Variants in ZNF236 observed in about 807,000 individuals in gnomAD.
ZNF236 encodes regulated by glucose.
ZNF236 carries 50 observed loss-of-function variants against 191.2 expected under a neutral mutation model. The ratio of observed to expected loss-of-function variants is 0.26; its 90% confidence interval spans 0.21 to 0.33. The LOEUF is 0.33. ZNF236 is among the 10% of genes least tolerant of loss of function. ZNF236 has a pLI of 1.00. For missense variants in ZNF236, 1,754 were observed against 2,374.5 expected (o/e 0.74, Z 5.43); for synonymous variants, 907 against 928.8 (o/e 0.98, Z 0.43).
At chr18:76,853,790 C>A (rs1975953587) in intron 3 of ZNF236, among the ~76,000 whole-genome samples, 1 of 151,956 alleles carries the variant, frequency 6.6e-6, no homozygotes. Flanking sequence ...GCGGGCAGAT[C>A]ACTTGAGGTC....
rs1167617019 is a variant in ZNF236, at chr18:76,972,783, T to C, written c.*4444T>C. On this transcript the variant is annotated 3_prime_UTR_variant, in exon 31 of 31. Coordinates refer to ENST00000320610, the MANE Select transcript of ZNF236 (RefSeq NM_001306089.2). ...TTATCTTCACAATTGTTTCATGATCTATTTATACATTGGATGATATTTATT... is the reference window on the plus strand; with the variant it reads ...TTATCTTCACAATTGTTTCATGATCCATTTATACATTGGATGATATTTATT... Among the ~76,000 whole-genome samples the C allele has an allele frequency of 6.6e-6, 1 of 152,250 alleles. No homozygotes were observed. The highest frequency in any genetic ancestry group is 1.9e-4 in the East Asian group (1 of 5,202).
At chr18:76,833,602 A>G (rs2122408625) in intron 1 of ZNF236, among the ~76,000 whole-genome samples, 1 of 152,092 alleles carries the variant, frequency 6.6e-6, no homozygotes, top group African/African-American at 2.4e-5. Context: ...TACATACTTT[A>G]TGCTTTTTAT....
intron 1 of ZNF236, among the ~76,000 whole-genome samples, chr18:76,823,156 G>T (rs1244998674): frequency 6.6e-6 from 1 of 151,868 alleles, no homozygotes; most frequent in Non-Finnish European, 1.5e-5. Context: ...CGGCTGCCCC[G>T]GGGACGTTGG....
At position 76,969,644 on chromosome 18, in the gene ZNF236, CT is replaced by C. The variant is rs1163786602; in HGVS notation, c.*1308del. On this transcript the variant is annotated 3_prime_UTR_variant, in exon 31 of 31. Transcript: ENST00000320610. ...TTTTTTTTTCCTGAAAAATAATTGC[CT>C]TTATTTTCTCTCGTTGCCTCCTTGG... The C allele has an allele frequency of 6.6e-6, 1 of 152,238 alleles. No individual in the cohort carries two copies. The highest frequency in any genetic ancestry group is 1.5e-5 in the Non-Finnish European group (1 of 67,988). 9.4% of individuals were successfully genotyped at this position (152,238 alleles called of 1,614,324 possible). A position where few individuals can be genotyped will look rare whatever the true frequency, so the allele number is the denominator to read the frequency against.
At chr18:76,831,255 T>C (rs2122395075) in intron 1 of ZNF236, among the ~76,000 whole-genome samples, 1 of 152,330 alleles carries the variant, frequency 6.6e-6, no homozygotes, top group East Asian at 1.9e-4. Context: ...ATATTTTTAT[T>C]GTCCTTATAG....
intron 3 of ZNF236, among the ~76,000 whole-genome samples, chr18:76,852,738 C>CT (rs1290670432): frequency 3.9e-5 from 6 of 152,134 alleles, no homozygotes; most frequent in Non-Finnish European, 8.8e-5. Context: ...AAAGTCATCT[C>CT]TAATTCTGAG....
chr18:76,832,625 T>G (rs1022592147), intron 1 of ZNF236, among the ~76,000 whole-genome samples: 1 of 152,106 alleles, frequency 6.6e-6, no homozygotes, highest in Admixed American at 6.6e-5. Context: ...GTCTTAATTA[T>G]GCTATTCTGA....
intron 26 of ZNF236, among the ~76,000 whole-genome samples, chr18:76,938,016 A>T (rs974009953): frequency 1.3e-5 from 2 of 152,220 alleles, no homozygotes; most frequent in Non-Finnish European, 2.9e-5. Context: ...ACTGTAAAAA[A>T]GTCTATTCTT....
chr18:76,881,988 C>A (rs936830332), intron 9 of ZNF236, among the ~76,000 whole-genome samples: 2 of 152,186 alleles, frequency 1.3e-5, no homozygotes. Context: ...CACACCTCAC[C>A]ATTTCCCATT....
intron 26 of ZNF236, 105 bp downstream of exon 26, chr18:76,937,448 C>T (rs1335709896): frequency 3.6e-6 from 4 of 1,124,528 alleles, no homozygotes; most frequent in Non-Finnish European, 4.7e-6. Flanking sequence ...CATTTTTTTT[C>T]CCCAAAATCG....
intron 1 of ZNF236, among the ~76,000 whole-genome samples, chr18:76,831,923 TCTC>T (rs1486332885): frequency 2.6e-5 from 4 of 152,314 alleles, no homozygotes; most frequent in Non-Finnish European, 5.9e-5. Flanking sequence ...TTTTTTATAG[TCTC>T]CTATTCACTC....
chr18:76,935,936 C>A, intron 25 of ZNF236: 1 of 455,764 alleles, frequency 2.2e-6, no homozygotes, highest in African/African-American at 2.0e-5. Flanking sequence ...GCTGCTTCAG[C>A]GCTCGAGCCT....
intron 18 of ZNF236, among the ~76,000 whole-genome samples, chr18:76,914,877 G>C (rs1041729384): frequency 1.3e-5 from 2 of 150,942 alleles, no homozygotes; most frequent in Admixed American, 6.6e-5. Context: ...TGTATATTTT[G>C]TATAAGGCTT....
At chr18:76,937,439 ATT>A in intron 26 of ZNF236, 96 bp downstream of exon 26, 1 of 1,189,176 alleles carries the variant, frequency 8.4e-7, no homozygotes, top group Non-Finnish European at 1.1e-6. Context: ...TAGTCTGAGC[ATT>A]TTTTTTCCCC....
chr18:76,954,875 T>A (rs1487553712), intron 27 of ZNF236, among the ~76,000 whole-genome samples: 2 of 152,270 alleles, frequency 1.3e-5, no homozygotes, highest in Non-Finnish European at 2.9e-5. Context: ...GTTCCTTTTT[T>A]TCCCCATTCC....
Position 76,908,330 on chromosome 18 carries a change from G to T in ZNF236, c.2308G>T (p.Ala770Ser). ...KHMKTHRYEL[A>S]QQLQQHQQAA... ...TTAATTTTTCTGAAGATATGAGCTT[G>T]CCCAGCAGCTCCAACAGCATCAGCA... The change falls in exon 14 of 31, where the codon GCC becomes TCC. Residue 770 changes from alanine to serine, a missense_variant. Coordinates refer to ENST00000320610, the MANE Select transcript of ZNF236 (RefSeq NM_001306089.2). 1 of 1,613,266 alleles carries T rather than the reference G, an allele frequency of 6.2e-7. No homozygotes were observed. Among genetic ancestry groups the T allele is most frequent in the Non-Finnish European group, 8.5e-7 (1 of 1,179,392 alleles).
intron 1 of ZNF236, among the ~76,000 whole-genome samples, chr18:76,845,613 G>A (rs1017049714): frequency 6.6e-6 from 1 of 152,124 alleles, no homozygotes; most frequent in Non-Finnish European, 1.5e-5. Flanking sequence ...CACTTTGGGA[G>A]GCAGAGATGG....
At chr18:76,930,327 T>G (rs1386232988) in intron 25 of ZNF236, among the ~76,000 whole-genome samples, 2 of 152,240 alleles carry the variant, frequency 1.3e-5, no homozygotes, top group Non-Finnish European at 2.9e-5. Flanking sequence ...TTGAATCTTT[T>G]TCTCTCTGAT....
At position 76,910,143 on chromosome 18, in the gene ZNF236, C is replaced by G. The variant is rs778191974; in HGVS notation, c.2627C>G (p.Ser876Cys). ...QFEEQSPAQQSFEPAGLPQGF... is the reference protein window; with the variant it reads ...QFEEQSPAQQCFEPAGLPQGF... ...GAAGAGCAGAGCCCTGCGCAACAGT[C>G]CTTCGAACCAGCAGGGCTACCCCAA... is the stretch of plus-strand genomic sequence containing the variant. The change falls in exon 15 of 31, where the codon TCC (serine) becomes TGC (cysteine). Residue 876 changes from serine (S) to cysteine (C), a missense_variant. Coordinates refer to ENST00000320610, the MANE Select transcript of ZNF236 (RefSeq NM_001306089.2). 1.2e-6 allele frequency: 2 copies of G among 1,613,064 alleles called. No individual in the cohort carries two copies. Among genetic ancestry groups the G allele is most frequent in the South Asian group, 2.2e-5 (2 of 91,060 alleles).
Sources: allele counts gnomAD v4.1 joint callset (sites outside exome capture counted in the v4.1 genomes callset), GRCh38; gene constraint gnomAD v4.1.1; transcripts MANE v1.5; gene names NCBI Gene and HGNC (gene_info 2026-07-23, HGNC 2026-07-21).